The following PCDHGA8 variants were observed in gnomAD, a reference collection of about 807,000 sequenced individuals.
PCDHGA8 encodes protocadherin gamma-A8.
A neutral mutation model predicts 59.2 loss-of-function variants in PCDHGA8; 45 were observed. The observed-to-expected ratio is 0.76, with a 90% confidence interval of 0.60 to 0.98. The LOEUF (loss-of-function observed/expected upper bound fraction) is 0.98, where lower values mean the gene tolerates loss of function less well. Among genes scored for constraint, PCDHGA8 ranks in the 50% least tolerant of loss-of-function variants. PCDHGA8 has a pLI of 0.00. For synonymous variants in PCDHGA8, 531 were observed against 519.0 expected (o/e 1.02, Z -0.32); for missense variants, 1,257 against 1,196.2 (o/e 1.05, Z -0.75).
At chr5:141,464,600 C>T (rs970370250) in intron 1 of PCDHGA8, among the ~76,000 whole-genome samples, 24 of 152,118 alleles carry the variant, frequency 1.6e-4, no homozygotes, top group Admixed American at 1.1e-3. Flanking sequence ...CCATAGTCTC[C>T]TTTGCAGAGT....
chr5:141,402,352 T>G (rs949706048), intron 1 of PCDHGA8, among the ~76,000 whole-genome samples: 1 of 151,978 alleles, frequency 6.6e-6, no homozygotes, highest in Non-Finnish European at 1.5e-5. Flanking sequence ...AAATTAAAAA[T>G]GAATGTACTT....
chr5:141,478,164 C>G lies in PCDHGA8; in HGVS notation c.2425-16643C>G, dbSNP rs202185809. On this transcript the variant is annotated intron_variant, in intron 1 of 3. Transcript: ENST00000398604. Reference sequence around the variant, plus strand: ...GCCGAGTTCCCCTCTGGCTCTGCCCCCCGGGAGCAGAAAAAAAATCTCACC... The same window carrying G: ...GCCGAGTTCCCCTCTGGCTCTGCCCGCCGGGAGCAGAAAAAAAATCTCACC... The G allele has an allele frequency of 1.0e-4, 167 of 1,613,890 alleles. No homozygotes were observed. Among genetic ancestry groups the G allele is most frequent in the Non-Finnish European group, 1.3e-4 (157 of 1,180,048 alleles).
At chr5:141,436,239 G>T (rs1426798903) in intron 1 of PCDHGA8, among the ~76,000 whole-genome samples, 2 of 152,012 alleles carry the variant, frequency 1.3e-5, no homozygotes, top group South Asian at 2.1e-4. Flanking sequence ...AAGCTAACAT[G>T]GTCTAATTAT....
At chr5:141,395,516 G>A (rs1402459220) in intron 1 of PCDHGA8, 1 of 407,820 alleles carries the variant, frequency 2.5e-6, no homozygotes, top group Non-Finnish European at 4.4e-6. Context: ...GTAGCTACCC[G>A]TCCATACTGG....
intron 1 of PCDHGA8, chr5:141,413,229 C>T (rs200934469): frequency 6.2e-7 from 1 of 1,613,914 alleles, no homozygotes; most frequent in African/African-American, 1.3e-5. Context: ...GCGGGCTGGT[C>T]CTGCTCTGCC....
chr5:141,418,151 G>A (rs1276817622), intron 1 of PCDHGA8: 4 of 1,613,990 alleles, frequency 2.5e-6, no homozygotes, highest in East Asian at 4.5e-5. Context: ...AATATGCAAA[G>A]AGAGAAGAAG....
rs2095830931 is a variant in PCDHGA8 at position 141,415,116 on chromosome 5, A to G, written c.2424+19879A>G. 3 of 1,613,652 alleles carry G rather than the reference A, an allele frequency of 1.9e-6. No individual in the cohort carries two copies. The East Asian group carries it at 6.7e-5, about 36-fold the overall frequency. On this transcript the variant is annotated intron_variant, in intron 1 of 3. Transcript: ENST00000398604. The stretch of plus-strand genomic sequence containing the variant: ...GAGACGCGCTCAAGCAAAGCCTCGT[A>G]GTGGCCGTCCAGGACCACGGCCAGC...
At position 141,485,348 on chromosome 5, in the gene PCDHGA8, C is replaced by A; in HGVS notation, c.2425-9459C>A. ...AGATTTCCTGCTGGATACGGACAGT[C>A]TGTCAGCTCGCAGGCTGCAGGTCGC... On this transcript the variant is annotated intron_variant, in intron 1 of 3. Coordinates refer to ENST00000398604, the MANE Select transcript of PCDHGA8 (RefSeq NM_032088.2). This position sits in a 1 kb window ranked among gnomAD's most constrained non-coding sequence, Gnocchi z 5.7. 6.2e-7 allele frequency: 1 copy of A among 1,614,146 alleles called. No individual in the cohort carries two copies. Among genetic ancestry groups the A allele is most frequent in the Non-Finnish European group, 8.5e-7 (1 of 1,180,008 alleles).
intron 1 of PCDHGA8, chr5:141,403,095 T>A (rs754367041): frequency 6.2e-7 from 1 of 1,614,026 alleles, no homozygotes; most frequent in East Asian, 2.2e-5. Flanking sequence ...GTGGGCAACA[T>A]CTCCAAGGAC....
chr5:141,438,627 T>TAC (rs2098030812), intron 1 of PCDHGA8, among the ~76,000 whole-genome samples: 3 of 48,012 alleles, frequency 6.2e-5, no homozygotes, highest in Non-Finnish European at 1.0e-4. Flanking sequence ...TATATATATA[T>TAC]ATATATATAC....
At chr5:141,484,468 C>T (rs2099596877) in intron 1 of PCDHGA8, among the ~76,000 whole-genome samples, 1 of 152,200 alleles carries the variant, frequency 6.6e-6, no homozygotes, top group South Asian at 2.1e-4. Context: ...ATGTGTAAGC[C>T]TTTTCTGCAA....
intron 1 of PCDHGA8, chr5:141,419,413 C>A (rs568417008): frequency 6.2e-7 from 1 of 1,613,444 alleles, no homozygotes; most frequent in South Asian, 1.1e-5. Flanking sequence ...TCGCGCAGCG[C>A]GCCTTCGACC....
At chr5:141,457,356 C>G (rs2098917888) in intron 1 of PCDHGA8, among the ~76,000 whole-genome samples, 1 of 152,170 alleles carries the variant, frequency 6.6e-6, no homozygotes, top group South Asian at 2.1e-4. Context: ...TTACCTGGCA[C>G]AATTTGCAAA....
chr5:141,468,801 A>G (rs949203275), intron 1 of PCDHGA8, among the ~76,000 whole-genome samples: 15 of 151,736 alleles, frequency 9.9e-5, no homozygotes, highest in South Asian at 2.1e-4. Context: ...GGGAGGCGGA[A>G]CTTGCAGTGA....
At chr5:141,501,308 C>T (rs1220463692) in intron 2 of PCDHGA8, among the ~76,000 whole-genome samples, 2 of 151,492 alleles carry the variant, frequency 1.3e-5, no homozygotes, top group African/African-American at 2.4e-5. Context: ...CACACACACA[C>T]ACACACACAC....
intron 1 of PCDHGA8, chr5:141,423,426 GGCAGGTA>G: frequency 1.9e-6 from 3 of 1,614,028 alleles, no homozygotes; most frequent in Non-Finnish European, 2.5e-6. Flanking sequence ...AAGGCGGGTT[GGCAGGTA>G]TGCCCACGTC....
At chr5:141,505,604 G>T (rs772730114) in intron 3 of PCDHGA8, 123 bp downstream of exon 3, 1 of 1,535,418 alleles carries the variant, frequency 6.5e-7, no homozygotes, top group Non-Finnish European at 8.8e-7. Flanking sequence ...CTTTCGGCAG[G>T]TCTGAAAGGA....
At chr5:141,472,455 G>A (rs191633108) in intron 1 of PCDHGA8, among the ~76,000 whole-genome samples, 2 of 151,972 alleles carry the variant, frequency 1.3e-5, no homozygotes, top group South Asian at 2.1e-4. Context: ...CAGGAGAATC[G>A]CTTGAACCCA....
chr5:141,395,209 A>G lies in PCDHGA8; in HGVS notation c.2396A>G (p.Glu799Gly). The change falls in exon 1 of 4, where the codon GAA becomes GGA. Residue 799 changes from glutamate to glycine, a missense_variant. By Grantham distance (98) the Glu-to-Gly change is moderately conservative. Transcript: ENST00000398604. ...TTGTTAACATCCGTAGATTTTCATG[A>G]ATATAAGAATGAAGCTGATCATGGT... ...DSLLTSVDFH[E>G]YKNEADHGQQ... 6.2e-7 allele frequency: 1 copy of G among 1,613,372 alleles called. No individual in the cohort carries two copies. The highest frequency in any genetic ancestry group is 8.5e-7 in the Non-Finnish European group (1 of 1,179,530).
Sources: allele counts gnomAD v4.1 joint callset (sites outside exome capture counted in the v4.1 genomes callset), GRCh38; gene constraint gnomAD v4.1.1; non-coding constraint Gnocchi (gnomAD v3.1); transcripts MANE v1.5; gene names NCBI Gene and HGNC (gene_info 2026-07-23, HGNC 2026-07-21).